Variants in FGF12 observed in about 807,000 individuals in gnomAD.
FGF12 encodes the protein fibroblast growth factor 12B.
Under a neutral mutation model 23.6 loss-of-function variants are expected in FGF12, and 14 were observed. The ratio of observed to expected loss-of-function variants is 0.59; its 90% CI spans 0.39 to 0.93. The LOEUF is 0.93. FGF12 is among the 40% of genes least tolerant of loss of function. The pLI is 0.00. For missense variants in FGF12, 175 were observed against 217.8 expected, an observed-to-expected ratio of 0.80 and a Z score of 1.24; for synonymous variants, 62 against 77.3, an observed-to-expected ratio of 0.80 and a Z score of 1.04.
At chr3:192,703,637 CA>C (rs1335949421) in intron 2 of FGF12, among the ~76,000 whole-genome samples, 2 of 152,218 alleles carry the variant, frequency 1.3e-5, no homozygotes, top group Non-Finnish European at 2.9e-5. Flanking sequence ...TAAATCCTCT[CA>C]AACCCTGTGA....
intron 2 of FGF12, among the ~76,000 whole-genome samples, chr3:192,466,172 G>GTA (rs1723006673): frequency 6.6e-6 from 1 of 152,162 alleles, no homozygotes; most frequent in Non-Finnish European, 1.5e-5. Context: ...ACAGCAGTAA[G>GTA]TATTAGTGTA....
At chr3:192,178,008 TGG>T (rs1429887915) in intron 4 of FGF12, among the ~76,000 whole-genome samples, 6 of 152,186 alleles carry the variant, frequency 3.9e-5, no homozygotes, top group African/African-American at 1.4e-4. Context: ...TCAACAGTTC[TGG>T]GAATTAAACA....
At chr3:192,280,054 CAT>C (rs1714054588) in intron 4 of FGF12, among the ~76,000 whole-genome samples, 1 of 152,092 alleles carries the variant, frequency 6.6e-6, no homozygotes, top group Non-Finnish European at 1.5e-5. Context: ...TGTTTTATAA[CAT>C]GTCAACTGGA....
chr3:192,416,609 C>T (rs1051330229), intron 2 of FGF12, among the ~76,000 whole-genome samples: 4 of 152,046 alleles, frequency 2.6e-5, no homozygotes, highest in South Asian at 2.1e-4. Flanking sequence ...TTAGGCTAAG[C>T]GAAATTGCTC....
chr3:192,176,107 T>A (rs7611145), intron 4 of FGF12, among the ~76,000 whole-genome samples: 6,636 of 152,172 alleles, frequency 0.044, 193 homozygotes, highest in Admixed American at 0.059. Context: ...TAATGAATAC[T>A]TGGATAAAAT....
chr3:192,586,262 C>G (rs1349169894), intron 2 of FGF12, among the ~76,000 whole-genome samples: 4 of 152,158 alleles, frequency 2.6e-5, no homozygotes, highest in Non-Finnish European at 5.9e-5. Context: ...CTGAAGCAGA[C>G]AGTATATTAC....
At chr3:192,203,204 G>A (rs564037402) in intron 4 of FGF12, among the ~76,000 whole-genome samples, 18 of 151,918 alleles carry the variant, frequency 1.2e-4, no homozygotes, top group African/African-American at 4.1e-4. Flanking sequence ...TAGTTTAGAG[G>A]ACTGATAGAA....
intron 4 of FGF12, chr3:192,282,700 A>T (rs867337339): frequency 6.6e-6 from 1 of 152,046 alleles, no homozygotes; most frequent in Middle Eastern, 3.4e-3. Flanking sequence ...TGTATATATT[A>T]GAGAGACAGA....
intron 2 of FGF12, among the ~76,000 whole-genome samples, chr3:192,577,769 A>G (rs968223122): frequency 2.6e-5 from 4 of 152,222 alleles, no homozygotes; most frequent in Admixed American, 6.5e-5. Flanking sequence ...TAATCTCACA[A>G]TGATATGCAT....
chr3:192,287,299 T>C (rs189653541), intron 4 of FGF12, among the ~76,000 whole-genome samples: 85 of 152,196 alleles, frequency 5.6e-4, no homozygotes, highest in African/African-American at 1.9e-3. Flanking sequence ...ATTCTCCAGT[T>C]GTATTCCCTT....
intron 2 of FGF12, among the ~76,000 whole-genome samples, chr3:192,476,162 T>C (rs952930139): frequency 6.6e-6 from 1 of 152,132 alleles, no homozygotes; most frequent in Non-Finnish European, 1.5e-5. Flanking sequence ...AGAGATCACA[T>C]GTGAGCTCTA....
At chr3:192,177,981 A>G (rs1322440303) in intron 4 of FGF12, among the ~76,000 whole-genome samples, 1 of 152,166 alleles carries the variant, frequency 6.6e-6, no homozygotes, top group African/African-American at 2.4e-5. Flanking sequence ...CATGATTGCT[A>G]TATTCTCTTC....
At chr3:192,179,522 G>T (rs1181715908) in intron 4 of FGF12, among the ~76,000 whole-genome samples, 1 of 150,428 alleles carries the variant, frequency 6.6e-6, no homozygotes, top group Non-Finnish European at 1.5e-5. Flanking sequence ...GTAAGTTAAG[G>T]TTAATTATAT....
chr3:192,480,404 G>A (rs190306246), intron 2 of FGF12, among the ~76,000 whole-genome samples: 1 of 152,096 alleles, frequency 6.6e-6, no homozygotes, highest in Admixed American at 6.6e-5. Flanking sequence ...ATATCAGTAC[G>A]AGAGCCCATG....
At chr3:192,630,146 C>T (rs1037452963) in intron 2 of FGF12, among the ~76,000 whole-genome samples, 2 of 152,156 alleles carry the variant, frequency 1.3e-5, no homozygotes, top group African/African-American at 4.8e-5. Context: ...CTGCCCGCCT[C>T]TCTTGCTCCT....
At chr3:192,628,954 T>C (rs1160629843) in intron 2 of FGF12, among the ~76,000 whole-genome samples, 1 of 152,080 alleles carries the variant, frequency 6.6e-6, no homozygotes, top group African/African-American at 2.4e-5. Context: ...AACCAGAGGC[T>C]GAGACTGTTT....
At chr3:192,693,569 A>G (rs1442550511) in intron 2 of FGF12, among the ~76,000 whole-genome samples, 1 of 152,178 alleles carries the variant, frequency 6.6e-6, no homozygotes, top group African/African-American at 2.4e-5. Flanking sequence ...CACATAGACT[A>G]ATGGAATAGA....
At chr3:192,619,739 C>T (rs933936955) in intron 2 of FGF12, among the ~76,000 whole-genome samples, 1 of 152,082 alleles carries the variant, frequency 6.6e-6, no homozygotes, top group African/African-American at 2.4e-5. Flanking sequence ...CTATTCCAAA[C>T]GTATTTGGCC....
At chr3:192,500,847 T>C (rs1724112406) in intron 2 of FGF12, among the ~76,000 whole-genome samples, 1 of 152,294 alleles carries the variant, frequency 6.6e-6, no homozygotes, top group Non-Finnish European at 1.5e-5. Flanking sequence ...ATTTTATGAA[T>C]GGAGAAATTG....
Sources: allele counts gnomAD v4.1 joint callset (sites outside exome capture counted in the v4.1 genomes callset), GRCh38; gene constraint gnomAD v4.1.1; transcripts MANE v1.5; gene names NCBI Gene and HGNC (gene_info 2026-07-23, HGNC 2026-07-21).